Variants in RALGAPA2 observed in about 807,000 individuals in gnomAD.
RALGAPA2 encodes Ral GTPase activating protein catalytic subunit alpha 2.
A neutral mutation model predicts 230.4 loss-of-function variants in RALGAPA2; 139 were observed. The observed-to-expected ratio is 0.60, with a 90% CI of 0.53 to 0.69. The LOEUF is 0.69. RALGAPA2 is among the 30% of genes least tolerant of loss of function. The pLI, the probability that RALGAPA2 is intolerant of heterozygous loss-of-function variation, is 0.00. For synonymous variants in RALGAPA2, 847 were observed against 837.8 expected (o/e 1.01, Z -0.19); for missense variants, 2,163 against 2,276.0 (o/e 0.95, Z 1.01).
intron 2 of RALGAPA2, among the ~76,000 whole-genome samples, chr20:20,678,423 C>T (rs1409871978): frequency 1.3e-5 from 2 of 152,192 alleles, no homozygotes; most frequent in African/African-American, 4.8e-5. Context: ...CCATGCTTGA[C>T]AACTGCCTGT....
At chr20:20,410,306 C>T (rs1236228644) in intron 38 of RALGAPA2, among the ~76,000 whole-genome samples, 4 of 152,078 alleles carry the variant, frequency 2.6e-5, no homozygotes, top group African/African-American at 9.7e-5. Context: ...AAAACAAAGT[C>T]CATCATTATT....
chr20:20,519,399 C>A (rs1420086930), intron 31 of RALGAPA2, among the ~76,000 whole-genome samples: 2 of 152,172 alleles, frequency 1.3e-5, no homozygotes, highest in Admixed American at 6.5e-5. Context: ...ACCCCTGGAC[C>A]TTTGTCCTCC....
At chr20:20,479,875 A>T (rs2061733077) in intron 36 of RALGAPA2, among the ~76,000 whole-genome samples, 2 of 152,240 alleles carry the variant, frequency 1.3e-5, no homozygotes, top group Non-Finnish European at 2.9e-5. Context: ...TCTCCAACAT[A>T]ATCTATGGCA....
chr20:20,569,398 T>G (rs1326512430), intron 23 of RALGAPA2, among the ~76,000 whole-genome samples: 1 of 152,180 alleles, frequency 6.6e-6, no homozygotes, highest in African/African-American at 2.4e-5. Flanking sequence ...TAAGCCTAAA[T>G]AATAGGCTGA....
chr20:20,525,034 G>A (rs1247347906), intron 28 of RALGAPA2, 136 bp from the exon 29 acceptor site: 2 of 695,242 alleles, frequency 2.9e-6, no homozygotes, highest in Admixed American at 3.1e-5. Context: ...ATAAAAAGCA[G>A]AGGGCCAGCT....
intron 32 of RALGAPA2, 112 bp downstream of exon 32, chr20:20,512,401 C>T: frequency 9.0e-7 from 1 of 1,111,808 alleles, no homozygotes; most frequent in Non-Finnish European, 1.2e-6. Flanking sequence ...AGAAAAATCT[C>T]CCTTCTCCTC....
Position 20,391,208 on chromosome 20 carries a change from C to T in RALGAPA2, c.*2081G>A, listed in dbSNP as rs1164534076. 2 of 152,302 alleles carry T rather than the reference C, an allele frequency of 1.3e-5. No homozygotes were observed. The highest frequency in any genetic ancestry group is 2.4e-5 in the African/African-American group (1 of 41,440). The allele number at this position is 152,302 out of a possible 1,614,324, so 9.4% of individuals were successfully genotyped here. A position where few individuals can be genotyped will look rare whatever the true frequency, so the allele number is the denominator to read the frequency against. ...CAACAGGAGTGAGGTAAACAGGAGA[C>T]AGGAGCAGCTCAACAGCAGGATCAA... On this transcript the variant is annotated 3_prime_UTR_variant, in exon 40 of 40. Coordinates refer to ENST00000202677, the MANE Select transcript of RALGAPA2 (RefSeq NM_020343.4).
chr20:20,588,334 T>C (rs1261430459), intron 18 of RALGAPA2, among the ~76,000 whole-genome samples: 3 of 152,186 alleles, frequency 2.0e-5, no homozygotes, highest in Non-Finnish European at 4.4e-5. Context: ...GAATAAATCT[T>C]AAAAATATGT....
At chr20:20,533,170 G>T in intron 26 of RALGAPA2, among the ~76,000 whole-genome samples, 1 of 151,816 alleles carries the variant, frequency 6.6e-6, no homozygotes, top group East Asian at 1.9e-4. Flanking sequence ...TATAACATAT[G>T]ATAAGAGAAG....
At chr20:20,535,523 T>C (rs753160352) in intron 26 of RALGAPA2, among the ~76,000 whole-genome samples, 7 of 152,230 alleles carry the variant, frequency 4.6e-5, no homozygotes, top group South Asian at 2.1e-4. Context: ...TCACACAAAA[T>C]AGTGTACTAT....
chr20:20,702,366 A>G (rs1241107091), intron 1 of RALGAPA2, among the ~76,000 whole-genome samples: 1 of 152,130 alleles, frequency 6.6e-6, no homozygotes. Flanking sequence ...AATGAGAAGG[A>G]GCTGGTGAAG....
At chr20:20,544,437 C>A (rs2063728568) in intron 24 of RALGAPA2, among the ~76,000 whole-genome samples, 1 of 151,726 alleles carries the variant, frequency 6.6e-6, no homozygotes, top group African/African-American at 2.4e-5. Context: ...ATTAGTTCAA[C>A]CGTTGTGGAA....
chr20:20,397,152 T>C (rs1383065704), intron 38 of RALGAPA2, among the ~76,000 whole-genome samples: 2 of 152,228 alleles, frequency 1.3e-5, no homozygotes, highest in African/African-American at 4.8e-5. Context: ...ATGGATGACC[T>C]GAAAAAATAA....
At chr20:20,698,659 C>CA (rs907767377) in intron 1 of RALGAPA2, among the ~76,000 whole-genome samples, 5 of 152,172 alleles carry the variant, frequency 3.3e-5, no homozygotes, top group Non-Finnish European at 7.4e-5. Flanking sequence ...CTCAGCCTCC[C>CA]AAAGTGCTGG....
chr20:20,640,924 A>AAAATTAAAAACAAT (rs770515974), intron 5 of RALGAPA2, 46 bp from the exon 6 acceptor site: 1 of 1,485,908 alleles, frequency 6.7e-7, no homozygotes, highest in South Asian at 1.2e-5. Context: ...ATGTATTTAC[A>AAAATTAAAAACAAT]GAAATGCATT....
rs370143727 is a variant in RALGAPA2 at position 20,705,043 on chromosome 20, C to T, written c.106+7332G>A. 1.9e-4 allele frequency among the ~76,000 whole-genome samples: 29 copies of T among 152,352 alleles called. 3 individuals carry two copies. Among genetic ancestry groups the T allele is most frequent in the African/African-American group, 7.0e-4 (29 of 41,588 alleles). On this transcript the variant is annotated intron_variant, in intron 1 of 39. Coordinates refer to ENST00000202677, the MANE Select transcript of RALGAPA2 (RefSeq NM_020343.4). ...TGTGCCCACCTCTATGGTTCCACCA[C>T]ACTCCTCTGTGCCACTCAAAACCCT...
intron 1 of RALGAPA2, among the ~76,000 whole-genome samples, chr20:20,693,330 AAC>A (rs1395615456): frequency 1.3e-5 from 2 of 152,232 alleles, no homozygotes; most frequent in African/African-American, 2.4e-5. Context: ...AATATAATAA[AAC>A]ACACTATAGA....
At position 20,398,314 on chromosome 20, in the gene RALGAPA2, C is replaced by CT. The variant is rs1472151241; in HGVS notation, c.5618-1581dup. ...GAAACCAAGAAAGCAGATGGCGCAG[C>CT]TAACAATGGAGGACTTGTTTGTAAT... On this transcript the variant is annotated intron_variant, in intron 38 of 39. Coordinates refer to ENST00000202677, the MANE Select transcript of RALGAPA2 (RefSeq NM_020343.4). The surrounding 1 kb of genome is among the most constrained non-coding windows in gnomAD (Gnocchi z 4.5). Among the ~76,000 whole-genome samples the CT allele has an allele frequency of 6.6e-6, 1 of 152,202 alleles. No homozygotes were observed. Among genetic ancestry groups the CT allele is most frequent in the Admixed American group, 6.5e-5 (1 of 15,280 alleles).
At position 20,712,297 on chromosome 20, in the gene RALGAPA2, C is replaced by A. The variant is rs2069913968; in HGVS notation, c.106+78G>T. ...CCCTCCCCAGCCTCCCAGCCACCGA[C>A]CCCTGCACAGAGGAGCGCCCTCCCG... On this transcript the variant is annotated intron_variant, in intron 1 of 39. Transcript: ENST00000202677. The surrounding 1 kb of genome is among the most constrained non-coding windows in gnomAD (Gnocchi z 5.5). 3 of 1,353,870 alleles carry A rather than the reference C, an allele frequency of 2.2e-6. No homozygotes were observed. Among genetic ancestry groups the A allele is most frequent in the East Asian group, 5.4e-5 (2 of 37,176 alleles). The allele number at this position is 1,353,870 out of a possible 1,614,324, so 83.9% of individuals were successfully genotyped here.
Sources: allele counts gnomAD v4.1 joint callset (sites outside exome capture counted in the v4.1 genomes callset), GRCh38; gene constraint gnomAD v4.1.1; non-coding constraint Gnocchi (gnomAD v3.1); transcripts MANE v1.5; gene names NCBI Gene and HGNC (gene_info 2026-07-23, HGNC 2026-07-21).